Variants in CCDC178 observed in about 807,000 individuals in gnomAD.
CCDC178 encodes coiled-coil domain containing 178.
Under a neutral mutation model 117.4 loss-of-function variants are expected in CCDC178, and 126 were observed. The ratio of observed to expected loss-of-function variants is 1.07; its 90% CI spans 0.93 to 1.24. The LOEUF (loss-of-function observed/expected upper bound fraction) is 1.24. CCDC178 is among the 50% of genes most tolerant of loss of function. The probability of loss-of-function intolerance (pLI) is 0.00; values close to 1 mark genes in which losing one functional copy is unlikely to be tolerated. For missense variants in CCDC178, 1,030 were observed against 986.9 expected (o/e 1.04, Z -0.59); for synonymous variants, 283 against 313.4 (o/e 0.90, Z 1.02).
chr18:33,105,672 C>T (rs2145115720), intron 20 of CCDC178, among the ~76,000 whole-genome samples: 1 of 151,690 alleles, frequency 6.6e-6, no homozygotes, highest in African/African-American at 2.4e-5. Flanking sequence ...TATCTATGTA[C>T]ATTTTCACTG....
chr18:33,397,547 T>A (rs1328747963), intron 3 of CCDC178, among the ~76,000 whole-genome samples: 1 of 152,178 alleles, frequency 6.6e-6, no homozygotes, highest in Non-Finnish European at 1.5e-5. Flanking sequence ...GAAGGTTTAA[T>A]CTAATTTCCA....
intron 21 of CCDC178, among the ~76,000 whole-genome samples, chr18:33,074,550 C>G (rs1283822164): frequency 6.6e-6 from 1 of 152,072 alleles, no homozygotes; most frequent in African/African-American, 2.4e-5. Flanking sequence ...ACCATGGAGC[C>G]CTGGGGAATT....
rs376920173 is a variant in CCDC178, at chr18:33,267,313, T to C, written c.1177-16A>G. 2 of 1,474,714 alleles carry C rather than the reference T, an allele frequency of 1.4e-6. No individual in the cohort carries two copies. Among genetic ancestry groups the C allele is most frequent in the African/African-American group, 1.4e-5 (1 of 70,698 alleles). 91.4% of individuals were successfully genotyped at this position (1,474,714 alleles called of 1,614,324 possible). ...AATCTTCCAGCTAAGAAAGAAGATA[T>C]ACAGAACAAAGTGAATTGTATAGCT... On this transcript the variant is annotated splice_polypyrimidine_tract_variant and intron_variant, in intron 12 of 22. Coordinates refer to ENST00000383096, the MANE Select transcript of CCDC178 (RefSeq NM_001105528.4).
intron 22 of CCDC178, among the ~76,000 whole-genome samples, chr18:32,942,289 A>G (rs1328868571): frequency 1.3e-5 from 2 of 152,138 alleles, no homozygotes; most frequent in African/African-American, 4.8e-5. Flanking sequence ...CCTGGGATTC[A>G]GTGTAGAACC....
intron 20 of CCDC178, among the ~76,000 whole-genome samples, chr18:33,119,169 A>G (rs1326450717): frequency 6.6e-6 from 1 of 152,224 alleles, no homozygotes; most frequent in East Asian, 1.9e-4. Context: ...AATGGCAACA[A>G]AAGCCAAAAT....
At chr18:33,249,898 G>A (rs1159242464) in intron 14 of CCDC178, among the ~76,000 whole-genome samples, 1 of 152,006 alleles carries the variant, frequency 6.6e-6, no homozygotes, top group Non-Finnish European at 1.5e-5. Flanking sequence ...TCCTATCCAT[G>A]AGCATGGAAT....
chr18:33,255,134 C>T (rs1475415625), intron 14 of CCDC178, among the ~76,000 whole-genome samples: 2 of 152,014 alleles, frequency 1.3e-5, no homozygotes, highest in Admixed American at 6.6e-5. Context: ...TGTTCACTTC[C>T]CCTTTGACCT....
chr18:33,166,756 G>T (rs1464401329), intron 20 of CCDC178, among the ~76,000 whole-genome samples: 6 of 152,130 alleles, frequency 3.9e-5, no homozygotes, highest in African/African-American at 1.4e-4. Flanking sequence ...TGACTTTTAC[G>T]TAAAAATTCA....
At chr18:33,419,891 A>G (rs1450453085) in intron 2 of CCDC178, among the ~76,000 whole-genome samples, 1 of 152,060 alleles carries the variant, frequency 6.6e-6, no homozygotes, top group Non-Finnish European at 1.5e-5. Flanking sequence ...ATTACCATTC[A>G]ACCCAGCAAT....
intron 20 of CCDC178, among the ~76,000 whole-genome samples, chr18:33,138,162 T>C (rs1568011423): frequency 6.6e-6 from 1 of 152,332 alleles, no homozygotes; most frequent in East Asian, 1.9e-4. Flanking sequence ...GGTGTATAAA[T>C]GTTATGCTCT....
intron 20 of CCDC178, among the ~76,000 whole-genome samples, chr18:33,114,065 T>C (rs148301025): frequency 1.3e-5 from 2 of 152,150 alleles, no homozygotes; most frequent in Non-Finnish European, 2.9e-5. Flanking sequence ...CTTTGGACTA[T>C]CATAGGAGAT....
intron 20 of CCDC178, among the ~76,000 whole-genome samples, chr18:33,135,043 T>C (rs1358116377): frequency 6.6e-6 from 1 of 152,086 alleles, no homozygotes; most frequent in African/African-American, 2.4e-5. Context: ...AAAAATAAAA[T>C]TAAAATGCAT....
intron 12 of CCDC178, among the ~76,000 whole-genome samples, chr18:33,291,952 C>A (rs969251185): frequency 6.6e-6 from 1 of 151,188 alleles, no homozygotes; most frequent in Non-Finnish European, 1.5e-5. Flanking sequence ...TACTCTTAAA[C>A]GTTGTTGTTG....
intron 21 of CCDC178, among the ~76,000 whole-genome samples, chr18:33,058,779 T>C (rs73417419): frequency 0.014 from 2,133 of 152,176 alleles, 54 homozygotes; most frequent in African/African-American, 0.048. Context: ...CTAATTTAAG[T>C]ATACTTAAAT....
At chr18:33,381,955 T>A (rs2063443594) in intron 5 of CCDC178, among the ~76,000 whole-genome samples, 1 of 152,176 alleles carries the variant, frequency 6.6e-6, no homozygotes, top group South Asian at 2.1e-4. Context: ...CAATAGCACA[T>A]AGATATTCCA....
chr18:33,295,471 C>T (rs1268539553), intron 11 of CCDC178, among the ~76,000 whole-genome samples: 1 of 151,970 alleles, frequency 6.6e-6, no homozygotes, highest in Non-Finnish European at 1.5e-5. Context: ...AGAACTTCTG[C>T]ATTGTAAAAC....
At chr18:32,955,397 C>G (rs1476156901) in intron 22 of CCDC178, among the ~76,000 whole-genome samples, 1 of 150,276 alleles carries the variant, frequency 6.7e-6, no homozygotes, top group Non-Finnish European at 1.5e-5. Context: ...TCTTAGTACT[C>G]TGTTTGTCTT....
chr18:33,070,693 A>G (rs549618623), intron 21 of CCDC178, among the ~76,000 whole-genome samples: 2 of 152,190 alleles, frequency 1.3e-5, no homozygotes, highest in Admixed American at 1.3e-4. Context: ...AAGAAATAAC[A>G]AATGTTTGAG....
intron 14 of CCDC178, among the ~76,000 whole-genome samples, chr18:33,264,533 G>T (rs546327195): frequency 2.6e-5 from 4 of 152,070 alleles, no homozygotes; most frequent in East Asian, 3.9e-4. Flanking sequence ...AAAAATTGGG[G>T]GAAATTAAAT....
Sources: gnomAD v4.1 joint callset for allele counts (sites outside exome capture counted in the v4.1 genomes callset) on GRCh38, gnomAD v4.1.1 for gene constraint, MANE v1.5 for transcripts, NCBI Gene and HGNC (gene_info 2026-07-23, HGNC 2026-07-21) for gene names.